INSC: variants seen among roughly 807,000 people sequenced by gnomAD.
INSC encodes the protein protein inscuteable homolog.
INSC carries 67 observed loss-of-function variants against 58.6 expected under a neutral mutation model. That is an observed-to-expected ratio of 1.14 (90% CI 0.94 to 1.40). The LOEUF is 1.40. Among genes scored for constraint, INSC ranks in the 40% most tolerant of loss-of-function variants. INSC has a pLI of 0.00. For synonymous variants in INSC, 262 were observed against 276.1 expected (o/e 0.95, Z 0.51); for missense variants, 714 against 692.0 (o/e 1.03, Z -0.36).
the INSC span, among the ~76,000 whole-genome samples, chr11:15,256,491 AT>A: frequency 1.3e-3 from 189 of 141,974 alleles, no homozygotes; most frequent in East Asian, 3.8e-3. Flanking sequence ...ATTTCATTTC[AT>A]TTTTTTTTTT....
chr11:15,236,687 C>T (rs1269992016), intron 10 of INSC, among the ~76,000 whole-genome samples: 3 of 152,172 alleles, frequency 2.0e-5, no homozygotes, highest in Admixed American at 2.0e-4. Context: ...CTTCCTGTGA[C>T]TGGGAAATAA....
chr11:15,252,614 A>G, the INSC span, among the ~76,000 whole-genome samples: 2 of 152,122 alleles, frequency 1.3e-5, no homozygotes, highest in Non-Finnish European at 2.9e-5. Flanking sequence ...AGAGAGATAG[A>G]GGCCGATAGA....
chr11:15,253,392 C>G, the INSC span, among the ~76,000 whole-genome samples: 1 of 152,100 alleles, frequency 6.6e-6, no homozygotes, highest in East Asian at 1.9e-4. Flanking sequence ...GACGTAAGAT[C>G]CTTCATGAGA....
rs200385405 is a variant in INSC, at chr11:15,204,586, G to C, written c.819+3637G>C. Among the ~76,000 whole-genome samples the C allele has an allele frequency of 7.9e-5, 12 of 152,360 alleles. No homozygotes were observed. The East Asian group carries it at 2.3e-3, about 29-fold the overall frequency. On this transcript the variant is annotated intron_variant, in intron 7 of 12. Coordinates refer to ENST00000379556, the MANE Select transcript of INSC (RefSeq NM_001042536.3). ...GCTCTGGTGAGGTTGGCCATTGTCA[G>C]TGTTGAGGATGGAAGATGGTGAAGA...
chr11:15,148,605 G>C (rs1353042530), intron 1 of INSC, among the ~76,000 whole-genome samples: 1 of 149,700 alleles, frequency 6.7e-6, no homozygotes, highest in African/African-American at 2.4e-5. Context: ...ATCTGAAGTG[G>C]AATGGATTTG....
At chr11:15,263,257 T>C in the INSC span, among the ~76,000 whole-genome samples, 11 of 152,116 alleles carry the variant, frequency 7.2e-5, no homozygotes, top group Non-Finnish European at 1.6e-4. Flanking sequence ...AAACTGGAGT[T>C]CCAGAAGAGG....
the INSC span, among the ~76,000 whole-genome samples, chr11:15,255,969 T>A: frequency 6.6e-6 from 1 of 152,198 alleles, no homozygotes; most frequent in Non-Finnish European, 1.5e-5. Flanking sequence ...ACGGTCTCTT[T>A]CTTTTCCACC....
At chr11:15,219,891 G>A (rs1564910506) in intron 7 of INSC, among the ~76,000 whole-genome samples, 1 of 152,190 alleles carries the variant, frequency 6.6e-6, no homozygotes, top group Non-Finnish European at 1.5e-5. Flanking sequence ...CCCTTTTCTA[G>A]GCCCAAACGA....
At chr11:15,206,575 C>T (rs768100351) in intron 7 of INSC, among the ~76,000 whole-genome samples, 16 of 152,166 alleles carry the variant, frequency 1.1e-4, no homozygotes, top group Non-Finnish European at 2.1e-4. Flanking sequence ...GCCACACAGT[C>T]CAGCGAGAGC....
upstream of INSC, chr11:15,112,613 TG>T: frequency 5.2e-6 from 3 of 580,628 alleles, no homozygotes; most frequent in African/African-American, 2.4e-5. Context: ...TGTGTGTGTG[TG>T]TGTGTGTGTG....
chr11:15,182,166 C>T (rs947977384), intron 5 of INSC, among the ~76,000 whole-genome samples: 2 of 152,190 alleles, frequency 1.3e-5, no homozygotes, highest in Admixed American at 6.5e-5. Flanking sequence ...CACAGCACTA[C>T]ACATATATTC....
rs1239211441 is a variant in INSC at position 15,246,202 on chromosome 11, C to A, written c.*162C>A. ...GGACAAAATCTTAGAGCAACATCATCAAACAGTCTTTGGTCCTTGAGAATC... is the reference window on the plus strand; with the variant it reads ...GGACAAAATCTTAGAGCAACATCATAAAACAGTCTTTGGTCCTTGAGAATC... On this transcript the variant is annotated 3_prime_UTR_variant, in exon 13 of 13. Transcript: ENST00000379556. 3 of 644,438 alleles carry A rather than the reference C, an allele frequency of 4.7e-6. No individual in the cohort carries two copies. Among genetic ancestry groups the A allele is most frequent in the Non-Finnish European group, 7.5e-6 (3 of 399,076 alleles). The allele number at this position is 644,438 out of a possible 1,614,324, so 39.9% of individuals were successfully genotyped here. A position where few individuals can be genotyped will look rare whatever the true frequency, so the allele number is the denominator to read the frequency against.
chr11:15,187,234 C>G (rs1850002790), intron 5 of INSC, among the ~76,000 whole-genome samples: 1 of 152,130 alleles, frequency 6.6e-6, no homozygotes, highest in Non-Finnish European at 1.5e-5. Flanking sequence ...TATGACCTGG[C>G]CTTGGAAATC....
chr11:15,146,926 G>T (rs946627748), intron 1 of INSC, among the ~76,000 whole-genome samples: 3 of 152,046 alleles, frequency 2.0e-5, no homozygotes, highest in Non-Finnish European at 4.4e-5. Context: ...TGGTATGCAT[G>T]CTTCACCTCA....
upstream of INSC, among the ~76,000 whole-genome samples, chr11:15,114,736 C>G (rs1847649550): frequency 6.6e-6 from 1 of 152,194 alleles, no homozygotes; most frequent in African/African-American, 2.4e-5. Flanking sequence ...CCGAAATAGC[C>G]TCGTAGTCCC....
chr11:15,162,754 CT>C (rs1369291463), intron 2 of INSC, among the ~76,000 whole-genome samples: 1 of 152,094 alleles, frequency 6.6e-6, no homozygotes, highest in Non-Finnish European at 1.5e-5. Context: ...CAGGGTGAGA[CT>C]TGTGACAGTA....
intron 8 of INSC, among the ~76,000 whole-genome samples, chr11:15,222,252 A>G (rs1033537038): frequency 1.3e-5 from 2 of 152,236 alleles, no homozygotes; most frequent in Non-Finnish European, 1.5e-5. Flanking sequence ...TAAATTATAG[A>G]AACTGAAAGC....
intron 2 of INSC, among the ~76,000 whole-genome samples, chr11:15,163,656 C>T (rs1004983440): frequency 7.2e-5 from 11 of 152,118 alleles, no homozygotes; most frequent in African/African-American, 1.2e-4. Flanking sequence ...TGCAGTGGTG[C>T]GATCTTGGCT....
At chr11:15,198,487 C>T (rs1029280660) in intron 6 of INSC, among the ~76,000 whole-genome samples, 6 of 152,154 alleles carry the variant, frequency 3.9e-5, no homozygotes, top group African/African-American at 1.4e-4. Context: ...GAGGCTGCCA[C>T]ATTCATCCTG....
Sources: gnomAD v4.1 joint callset for allele counts (sites outside exome capture counted in the v4.1 genomes callset) on GRCh38, gnomAD v4.1.1 for gene constraint, MANE v1.5 for transcripts, NCBI Gene and HGNC (gene_info 2026-07-23, HGNC 2026-07-21) for gene names.